The following FGF14 variants were observed in gnomAD, a reference collection of about 807,000 sequenced individuals.
FGF14 encodes fibroblast growth factor 14.
A neutral mutation model predicts 25.5 loss-of-function variants in FGF14; 5 were observed. That is an observed-to-expected ratio of 0.20 (90% CI 0.10 to 0.41). The LOEUF is 0.41. Ranked by LOEUF, FGF14 falls within the 10% of genes least tolerant of loss-of-function variation. The pLI, the probability that FGF14 is intolerant of heterozygous loss-of-function variation, is 1.00. For missense variants in FGF14, 222 were observed against 320.1 expected, an observed-to-expected ratio of 0.69 and a Z score of 2.34; for synonymous variants, 138 against 118.3, an observed-to-expected ratio of 1.17 and a Z score of -1.08.
At chr13:101,788,901 TATATATATAG>T (rs1206498568) in intron 3 of FGF14, among the ~76,000 whole-genome samples, 537 of 41,282 alleles carry the variant, frequency 0.013, 1 homozygote, top group Non-Finnish European at 0.017. Context: ...TATATATATA[TATATATATAG>T]AGAGAGAGAG....
At chr13:102,245,789 GT>G (rs747124581) in intron 1 of FGF14, among the ~76,000 whole-genome samples, 8 of 152,006 alleles carry the variant, frequency 5.3e-5, no homozygotes, top group Non-Finnish European at 1.0e-4. Context: ...ATTGAGATAT[GT>G]TTTTAAAGTG....
At chr13:102,173,823 G>C (rs1182200910) in intron 1 of FGF14, among the ~76,000 whole-genome samples, 1 of 152,036 alleles carries the variant, frequency 6.6e-6, no homozygotes, top group African/African-American at 2.4e-5. Context: ...CTGAGGGTAG[G>C]GGTAGGGGGG....
chr13:102,127,900 G>T (rs2046015337), intron 1 of FGF14, among the ~76,000 whole-genome samples: 1 of 152,230 alleles, frequency 6.6e-6, no homozygotes, highest in South Asian at 2.1e-4. Flanking sequence ...GTCTCTAGCT[G>T]TAAATGACAG....
intron 1 of FGF14, among the ~76,000 whole-genome samples, chr13:102,281,032 A>G (rs4772460): frequency 0.75 from 113,482 of 152,150 alleles, 42,546 homozygotes; most frequent in East Asian, 0.82. Context: ...CTGGACTTAG[A>G]TTTCATCTAT....
At chr13:101,821,877 A>C (rs893554376) in intron 3 of FGF14, among the ~76,000 whole-genome samples, 9 of 152,270 alleles carry the variant, frequency 5.9e-5, no homozygotes, top group African/African-American at 1.4e-4. Context: ...GTAATTTGTC[A>C]GTCTTGTTTC....
chr13:101,821,847 A>G lies in FGF14; in HGVS notation c.408+46878T>C, dbSNP rs183577350. On this transcript the variant is annotated intron_variant, in intron 3 of 4. Coordinates refer to ENST00000376143, the MANE Select transcript of FGF14 (RefSeq NM_004115.4). ...TCTTCTTTTGTGAAGTGCTGTTTCA[A>G]TTTATTTGCCCATTTTTAAGTAATT... Among the ~76,000 whole-genome samples, 454 of 152,228 alleles carry G rather than the reference A, an allele frequency of 3.0e-3. 1 individual carries two copies. Among genetic ancestry groups the G allele is most frequent in the Non-Finnish European group, 5.8e-3 (397 of 68,002 alleles).
At chr13:101,905,557 T>C (rs1236685929) in intron 1 of FGF14, among the ~76,000 whole-genome samples, 2 of 149,940 alleles carry the variant, frequency 1.3e-5, no homozygotes, top group Non-Finnish European at 3.0e-5. Flanking sequence ...TGTTGGGAGG[T>C]GGGGAGCTAG....
intron 1 of FGF14, among the ~76,000 whole-genome samples, chr13:102,397,207 T>C (rs2058604988): frequency 6.6e-6 from 1 of 152,038 alleles, no homozygotes; most frequent in African/African-American, 2.4e-5. Flanking sequence ...ATGACAGCCC[T>C]AGATGTAAAG....
At chr13:101,849,356 T>A (rs2043628299) in intron 3 of FGF14, among the ~76,000 whole-genome samples, 1 of 152,032 alleles carries the variant, frequency 6.6e-6, no homozygotes, top group South Asian at 2.1e-4. Context: ...TTTATTTAAA[T>A]GGAGGAACAT....
intron 1 of FGF14, among the ~76,000 whole-genome samples, chr13:101,949,750 A>G (rs1206075041): frequency 1.3e-5 from 2 of 152,204 alleles, no homozygotes; most frequent in African/African-American, 2.4e-5. Flanking sequence ...ACCAAGCAGC[A>G]TTGCATCCAT....
chr13:101,840,377 T>C (rs1473088170), intron 3 of FGF14, among the ~76,000 whole-genome samples: 1 of 151,862 alleles, frequency 6.6e-6, no homozygotes, highest in African/African-American at 2.4e-5. Context: ...AAGACAACTT[T>C]TTCTTATTTC....
chr13:101,916,264 T>C (rs1239888344), intron 1 of FGF14, among the ~76,000 whole-genome samples, 189 bp downstream of exon 1: 1 of 152,220 alleles, frequency 6.6e-6, no homozygotes, highest in East Asian at 1.9e-4. Flanking sequence ...GCGGCTGCAC[T>C]TCTCGGCGGC....
chr13:102,110,719 G>GT (rs1390945707), intron 1 of FGF14, among the ~76,000 whole-genome samples: 2 of 151,392 alleles, frequency 1.3e-5, no homozygotes, highest in African/African-American at 4.8e-5. Flanking sequence ...CAGCCCCCTC[G>GT]CCCCTTAGAT....
chr13:102,101,221 A>T (rs1350585867), intron 1 of FGF14, among the ~76,000 whole-genome samples: 1 of 152,126 alleles, frequency 6.6e-6, no homozygotes, highest in African/African-American at 2.4e-5. Flanking sequence ...ATCTCCTCAT[A>T]TTCCTCAGAC....
intron 1 of FGF14, among the ~76,000 whole-genome samples, chr13:101,992,977 AG>A (rs1033328853): frequency 1.3e-5 from 2 of 152,082 alleles, no homozygotes; most frequent in African/African-American, 4.8e-5. Context: ...CACGAATCTA[AG>A]AGAACACAAA....
Position 102,400,647 on chromosome 13 carries a change from C to G in FGF14, c.208+824G>C, listed in dbSNP as rs1334881258. 6.6e-6 allele frequency among the ~76,000 whole-genome samples: 1 copy of G among 152,198 alleles called. No individual in the cohort carries two copies. The highest frequency in any genetic ancestry group is 1.5e-5 in the Non-Finnish European group (1 of 68,038). On this transcript the variant is annotated intron_variant, in intron 1 of 4. Transcript: ENST00000376131. This position sits in a 1 kb window ranked among gnomAD's most constrained non-coding sequence, Gnocchi z 4.3. ...TCTTATGTAATGTACTGCAAGTTCC[C>G]TTGTTGGAGCCCTTTGGAATCGGGG...
At chr13:101,781,119 GCT>G (rs1281185672) in intron 3 of FGF14, among the ~76,000 whole-genome samples, 1 of 136,376 alleles carries the variant, frequency 7.3e-6, no homozygotes, top group African/African-American at 2.7e-5. Flanking sequence ...TGCTCCCCCT[GCT>G]CTCTCTTTGT....
intron 1 of FGF14, among the ~76,000 whole-genome samples, chr13:102,333,570 AG>A (rs1444846482): frequency 1.3e-5 from 2 of 152,168 alleles, no homozygotes; most frequent in Non-Finnish European, 2.9e-5. Flanking sequence ...AGGAACACAA[AG>A]GCAATGTCAG....
intron 1 of FGF14, among the ~76,000 whole-genome samples, chr13:102,294,524 A>G (rs1024984357): frequency 1.6e-4 from 24 of 152,152 alleles, no homozygotes; most frequent in African/African-American, 5.3e-4. Context: ...ATCTCTAAAA[A>G]TAAACACATT....
Sources: allele counts gnomAD v4.1 joint callset (sites outside exome capture counted in the v4.1 genomes callset), GRCh38; gene constraint gnomAD v4.1.1; non-coding constraint Gnocchi (gnomAD v3.1); transcripts MANE v1.5; gene names NCBI Gene and HGNC (gene_info 2026-07-23, HGNC 2026-07-21).